Variants in CNTN1 observed in about 807,000 individuals in gnomAD.
The protein encoded by CNTN1 is contactin-1.
CNTN1 carries 38 observed loss-of-function variants against 126.4 expected under a neutral mutation model. That is an observed-to-expected ratio of 0.30 (90% CI 0.23 to 0.39). The LOEUF (loss-of-function observed/expected upper bound fraction) is 0.39. CNTN1 is among the 10% of genes least tolerant of loss of function. The pLI, the probability that CNTN1 is intolerant of heterozygous loss-of-function variation, is 1.00. For synonymous variants in CNTN1, 413 were observed against 422.6 expected (o/e 0.98, Z 0.28); for missense variants, 1,009 against 1,248.4 (o/e 0.81, Z 2.89).
At chr12:40,785,489 G>T (rs572981228) in intron 1 of CNTN1, among the ~76,000 whole-genome samples, 2 of 152,266 alleles carry the variant, frequency 1.3e-5, no homozygotes, top group East Asian at 3.9e-4. Flanking sequence ...GTGCGGGCGG[G>T]CTGAGTCCAA....
chr12:40,923,645 A>C (rs754605469), intron 5 of CNTN1, among the ~76,000 whole-genome samples: 1 of 152,164 alleles, frequency 6.6e-6, no homozygotes, highest in Non-Finnish European at 1.5e-5. Context: ...ACCAATTTCA[A>C]GGATGGCAGG....
In CNTN1 at chr12:41,070,791, T is replaced by C. The variant is rs559264741; in HGVS notation, c.*756T>C. 9.9e-5 allele frequency: 15 copies of C among 152,256 alleles called. No homozygotes were observed. The highest frequency in any genetic ancestry group is 3.4e-4 in the African/African-American group (14 of 41,576). 9.4% of individuals were successfully genotyped at this position (152,256 alleles called of 1,614,324 possible). ...ACTCTGAAGTTATTTTATGCTTTTCTTATCAATTTCAAATCTCAAAAATCA... is the reference window on the plus strand; with the variant it reads ...ACTCTGAAGTTATTTTATGCTTTTCCTATCAATTTCAAATCTCAAAAATCA... On this transcript the variant is annotated 3_prime_UTR_variant, in exon 24 of 24. Transcript: ENST00000551295.
At chr12:40,812,200 G>A (rs1056359509) in intron 1 of CNTN1, among the ~76,000 whole-genome samples, 1 of 151,862 alleles carries the variant, frequency 6.6e-6, no homozygotes, top group Admixed American at 6.6e-5. Context: ...GAATTTTCCA[G>A]TCTTTCTGTT....
chr12:40,876,662 A>G (rs1943680639), intron 1 of CNTN1, among the ~76,000 whole-genome samples: 2 of 152,108 alleles, frequency 1.3e-5, no homozygotes. Flanking sequence ...GTATGTGTCT[A>G]TTTTTATACC....
chr12:40,718,820 C>G (rs560246856), intron 1 of CNTN1, among the ~76,000 whole-genome samples: 2 of 152,266 alleles, frequency 1.3e-5, no homozygotes, highest in South Asian at 4.1e-4. Context: ...TCAAAACTTT[C>G]TCTCACCCTA....
chr12:40,705,521 A>G (rs931292270), intron 1 of CNTN1, among the ~76,000 whole-genome samples: 1 of 152,066 alleles, frequency 6.6e-6, no homozygotes, highest in African/African-American at 2.4e-5. Flanking sequence ...ATTCTGGGCA[A>G]AAGTAACATC....
chr12:40,967,081 T>C (rs1460091921), intron 15 of CNTN1, among the ~76,000 whole-genome samples: 3 of 151,948 alleles, frequency 2.0e-5, no homozygotes, highest in East Asian at 3.9e-4. Context: ...GCAGGAGAAT[T>C]GCTTGAACCC....
Position 40,925,571 on chromosome 12 carries a change from G to GTATATATACATGTATATATA in CNTN1, c.496+925_496+926insTACATGTATATATATATATA, listed in dbSNP as rs1565961510. ...TGTATATATATACACGTATATATAC[G>GTATATATACATGTATATATA]TATATACGTATATATACATGTATAT... On this transcript the variant is annotated intron_variant, in intron 6 of 23. Coordinates refer to ENST00000551295, the MANE Select transcript of CNTN1 (RefSeq NM_001843.4). Among the ~76,000 whole-genome samples, 344 of 130,262 alleles carry GTATATATACATGTATATATA rather than the reference G, an allele frequency of 2.6e-3. 1 individual carries two copies. The highest frequency in any genetic ancestry group is 9.6e-3 in the African/African-American group (334 of 34,726). The allele number at this position is 130,262 out of a possible 152,430, so 85.5% of individuals were successfully genotyped here.
chr12:41,020,059 T>C (rs1006358620), intron 19 of CNTN1, among the ~76,000 whole-genome samples: 2 of 152,004 alleles, frequency 1.3e-5, no homozygotes, highest in Non-Finnish European at 2.9e-5. Flanking sequence ...TTGGTAAAAG[T>C]GTGTGTGGGA....
chr12:41,046,847 CTTTTTTTTT>C (rs56655599), intron 23 of CNTN1, among the ~76,000 whole-genome samples: 7 of 118,992 alleles, frequency 5.9e-5, no homozygotes, highest in African/African-American at 1.9e-4. Context: ...TTGCTTATTT[CTTTTTTTTT>C]TTTTTTTTTT....
At chr12:40,752,510 G>T (rs563828166) in intron 1 of CNTN1, among the ~76,000 whole-genome samples, 20 of 152,104 alleles carry the variant, frequency 1.3e-4, no homozygotes, top group African/African-American at 4.8e-4. Flanking sequence ...AAATATCTAC[G>T]TAGAGGATCG....
chr12:40,899,827 C>G (rs1944544795), intron 1 of CNTN1, among the ~76,000 whole-genome samples: 1 of 152,056 alleles, frequency 6.6e-6, no homozygotes, highest in Admixed American at 6.6e-5. Flanking sequence ...GCCCTTGGAC[C>G]ACAGTTTGGG....
intron 1 of CNTN1, among the ~76,000 whole-genome samples, chr12:40,839,902 C>T (rs894534577): frequency 2.6e-5 from 4 of 151,922 alleles, no homozygotes; most frequent in Non-Finnish European, 4.4e-5. Context: ...ATCCACCAAA[C>T]AACAAAGAGT....
chr12:40,855,441 CA>C (rs1264951127), intron 1 of CNTN1, among the ~76,000 whole-genome samples: 1 of 151,602 alleles, frequency 6.6e-6, no homozygotes, highest in East Asian at 1.9e-4. Flanking sequence ...AATTTTGTGC[CA>C]TTTTTTTCTT....
At chr12:40,887,067 A>C (rs1944062713) in intron 1 of CNTN1, among the ~76,000 whole-genome samples, 1 of 152,062 alleles carries the variant, frequency 6.6e-6, no homozygotes, top group Non-Finnish European at 1.5e-5. Context: ...TTTTGGTTCC[A>C]TATGAACTTT....
At chr12:40,895,789 G>A (rs1221718469) in intron 1 of CNTN1, among the ~76,000 whole-genome samples, 13 of 145,216 alleles carry the variant, frequency 9.0e-5, no homozygotes, top group Non-Finnish European at 1.6e-4. Context: ...ACGGAGTCTG[G>A]CTCTGTCGCC....
chr12:40,999,741 C>T lies in CNTN1; in HGVS notation c.2113+6472C>T, dbSNP rs12297647. Among the ~76,000 whole-genome samples the T allele has an allele frequency of 7.1e-3, 919 of 129,288 alleles. 13 individuals are homozygous for T. The highest frequency in any genetic ancestry group is 0.024 in the African/African-American group (837 of 35,016). The allele number at this position is 129,288 out of a possible 152,430, so 84.8% of individuals were successfully genotyped here. On this transcript the variant is annotated intron_variant, in intron 17 of 23. Coordinates refer to ENST00000551295, the MANE Select transcript of CNTN1 (RefSeq NM_001843.4). ...TTTTTGAGACAGCATCTTGCTCTGT[C>T]GCCCAGGCTGGAGTGCAGTGGCAGG...
chr12:40,979,082 A>T (rs1390641319), intron 15 of CNTN1: 2 of 152,190 alleles, frequency 1.3e-5, no homozygotes, highest in East Asian at 3.8e-4. Flanking sequence ...TGAAAAATGC[A>T]ATATGTTCTC....
intron 1 of CNTN1, among the ~76,000 whole-genome samples, chr12:40,837,535 A>C (rs1193796089): frequency 1.3e-5 from 2 of 152,186 alleles, no homozygotes; most frequent in Admixed American, 6.5e-5. Context: ...TGCTCCAGGG[A>C]GGGAGCTTGC....
Sources: gnomAD v4.1 joint callset for allele counts (sites outside exome capture counted in the v4.1 genomes callset) on GRCh38, gnomAD v4.1.1 for gene constraint, MANE v1.5 for transcripts, NCBI Gene and HGNC (gene_info 2026-07-23, HGNC 2026-07-21) for gene names.